The following GGCT variants were observed in gnomAD, a reference collection of about 807,000 sequenced individuals.
GGCT encodes the protein gamma-glutamylcyclotransferase.
GGCT carries 20 observed loss-of-function variants against 22.1 expected under a neutral mutation model. That is an observed-to-expected ratio of 0.91 (90% CI 0.64 to 1.32). GGCT has a LOEUF of 1.32. Among genes scored for constraint, GGCT ranks in the 40% most tolerant of loss-of-function variants. The pLI is 0.00. For synonymous variants in GGCT, 72 were observed against 78.4 expected, an observed-to-expected ratio of 0.92 and a Z score of 0.43; for missense variants, 209 against 223.5, an observed-to-expected ratio of 0.94 and a Z score of 0.41.
At chr7:30,497,930 AT>A in intron 3 of GGCT, 4 of 1,278,652 alleles carry the variant, frequency 3.1e-6, no homozygotes, top group Non-Finnish European at 4.1e-6. Context: ...AGTAGAAAGT[AT>A]GTTTTTTTCC....
intron 3 of GGCT, 150 bp downstream of exon 3, chr7:30,498,653 A>C (rs1351545650): frequency 1.5e-6 from 1 of 683,290 alleles, no homozygotes; most frequent in African/African-American, 1.8e-5. Context: ...TCCTAACTTC[A>C]GGTGATCTGC....
intron 1 of GGCT, among the ~76,000 whole-genome samples, chr7:30,502,677 A>G (rs1036057811): frequency 1.2e-4 from 18 of 152,162 alleles, no homozygotes; most frequent in Admixed American, 1.2e-3. Context: ...CAAAAACCTG[A>G]GTCATCTTTG....
chr7:30,498,136 A>T (rs1789602017), intron 3 of GGCT, among the ~76,000 whole-genome samples: 1 of 149,330 alleles, frequency 6.7e-6, no homozygotes, highest in Non-Finnish European at 1.5e-5. Context: ...TCCTACTTTA[A>T]TACATGTCTA....
In GGCT at chr7:30,504,619, T is replaced by A; in HGVS notation, c.91A>T (p.Ile31Phe). The change falls in exon 1 of 4, where the codon ATC becomes TTC. Residue 31 changes from isoleucine to phenylalanine, a missense_variant. Ile to Phe is a conservative substitution (Grantham distance 21). Coordinates refer to ENST00000275428, the MANE Select transcript of GGCT (RefSeq NM_024051.4). ...AYGSNLLTER[I>F]HLRNPSAAFF... ...GCCGCCGAGGGGTTTCGGAGGTGGA[T>A]CCTCTCTGTCAGCAGGTTGCTGCCG... is the stretch of plus-strand genomic sequence containing the variant. 1 of 1,614,086 alleles carries A rather than the reference T, an allele frequency of 6.2e-7. No individual in the cohort carries two copies. Among genetic ancestry groups the A allele is most frequent in the Non-Finnish European group, 8.5e-7 (1 of 1,179,966 alleles).
chr7:30,500,985 T>G (rs1434733452), intron 1 of GGCT, among the ~76,000 whole-genome samples: 1 of 152,286 alleles, frequency 6.6e-6, no homozygotes, highest in East Asian at 1.9e-4. Context: ...AACACAATTG[T>G]TTTCATTTTT....
chr7:30,504,534 G>A, intron 1 of GGCT, 35 bp downstream of exon 1: 1 of 1,610,652 alleles, frequency 6.2e-7, no homozygotes, highest in Non-Finnish European at 8.5e-7. Flanking sequence ...GGGCATCCCG[G>A]CCCCGGCGTG....
rs71532977 is a variant in GGCT at position 30,498,783 on chromosome 7, C to G, written c.423+20G>C. On this transcript the variant is annotated intron_variant, in intron 3 of 3. Transcript: ENST00000275428. ...AGTGAAATTTAAAAAGTAATCACCA[C>G]CAGTCTGTAAATAGCTTACCTTTTT... 0.057 allele frequency: 91,025 copies of G among 1,598,138 alleles called. 2,938 individuals carry two copies. Among genetic ancestry groups the G allele is most frequent in the Non-Finnish European group, 0.067 (77,932 of 1,167,338 alleles).
intron 1 of GGCT, among the ~76,000 whole-genome samples, chr7:30,502,208 G>C (rs545229486): frequency 6.6e-6 from 1 of 152,130 alleles, no homozygotes; most frequent in South Asian, 2.1e-4. Context: ...CTGTGGTGGC[G>C]GACATCACAA....
chr7:30,498,026 T>C (rs955173241), intron 3 of GGCT: 11 of 219,466 alleles, frequency 5.0e-5, no homozygotes, highest in African/African-American at 1.1e-4. Flanking sequence ...TATATATAGA[T>C]ACACACACAC....
At position 30,504,797 on chromosome 7, in the gene GGCT, G is replaced by C; in HGVS notation, c.-88C>G. On this transcript the variant is annotated 5_prime_UTR_variant, in exon 1 of 4. Transcript: ENST00000275428. ...CACTGGGGCCCACTACCCCGGCGCA[G>C]TGACCGCCGCGCGGCAGCCTCAGGG... 7.4e-7 allele frequency: 1 copy of C among 1,359,566 alleles called. No homozygotes were observed. Among genetic ancestry groups the C allele is most frequent in the East Asian group, 2.3e-5 (1 of 43,394 alleles). The allele number at this position is 1,359,566 out of a possible 1,614,324, so 84.2% of individuals were successfully genotyped here. A position where few individuals can be genotyped will look rare whatever the true frequency, so the allele number is the denominator to read the frequency against.
chr7:30,497,237 T>C lies in GGCT; in HGVS notation c.424-2A>G, dbSNP rs374586597. 46 of 1,598,130 alleles carry C rather than the reference T, an allele frequency of 2.9e-5. No individual in the cohort carries two copies. In the South Asian group the frequency reaches 4.8e-4, roughly 17 times the overall value. On this transcript the variant is annotated splice_acceptor_variant, in intron 3 of 3. Transcript: ENST00000275428. LOFTEE classifies it high-confidence loss of function. Reference sequence around the variant, plus strand: ...TTCTTTTGCACCCATGCAAATAATCTGGAAATGGTTAAAACAAACAGACAA... The same window carrying C: ...TTCTTTTGCACCCATGCAAATAATCCGGAAATGGTTAAAACAAACAGACAA...
chr7:30,504,756 C>T lies in GGCT; in HGVS notation c.-47G>A. 2.5e-6 allele frequency: 4 copies of T among 1,598,062 alleles called. No homozygotes were observed. The South Asian group carries it at 3.3e-5, about 13-fold the overall frequency. ...GGAGCCTGAAGCAGAGTGTAAGGAA[C>T]GGCCAGAGAGCGCAACACTGGGGCC... On this transcript the variant is annotated 5_prime_UTR_variant, in exon 1 of 4. Coordinates refer to ENST00000275428, the MANE Select transcript of GGCT (RefSeq NM_024051.4).
At position 30,504,620 on chromosome 7, in the gene GGCT, CCTCT is replaced by C. The variant is rs748515382; in HGVS notation, c.86_89del (p.Glu29GlyfsTer39). ...CCGCCGAGGGGTTTCGGAGGTGGAT[CCTCT>C]CTGTCAGCAGGTTGCTGCCGTAGGC... On this transcript the variant is annotated frameshift_variant, in exon 1 of 4. Transcript: ENST00000275428. LOFTEE classifies it high-confidence loss of function. The C allele has an allele frequency of 8.7e-6, 14 of 1,614,002 alleles. No homozygotes were observed. Among genetic ancestry groups the C allele is most frequent in the South Asian group, 6.6e-5 (6 of 91,096 alleles).
At chr7:30,504,546 G>T (rs1441696635) in intron 1 of GGCT, 23 bp downstream of exon 1, 1 of 1,612,378 alleles carries the variant, frequency 6.2e-7, no homozygotes. Flanking sequence ...CCCGGCGTGG[G>T]TAGCGCGGGA....
chr7:30,502,541 T>C (rs867519843), intron 1 of GGCT, among the ~76,000 whole-genome samples: 1 of 152,238 alleles, frequency 6.6e-6, no homozygotes, highest in Non-Finnish European at 1.5e-5. Flanking sequence ...GCTAATATTA[T>C]TCTGTTCACT....
At chr7:30,500,314 A>G (rs757149234) in intron 2 of GGCT, among the ~76,000 whole-genome samples, 7 of 152,254 alleles carry the variant, frequency 4.6e-5, no homozygotes, top group South Asian at 2.1e-4. Flanking sequence ...CATCTTTTAC[A>G]TAAGAGATTA....
rs889285878 is a variant in GGCT, at chr7:30,504,774, C to T, written c.-65G>A. 5 of 1,515,496 alleles carry T rather than the reference C, an allele frequency of 3.3e-6. No individual in the cohort carries two copies. The Admixed American group carries it at 8.5e-5, about 26-fold the overall frequency. 93.9% of individuals were successfully genotyped at this position (1,515,496 alleles called of 1,614,324 possible). A position where few individuals can be genotyped will look rare whatever the true frequency, so the allele number is the denominator to read the frequency against. On this transcript the variant is annotated 5_prime_UTR_variant, in exon 1 of 4. It adds an upstream start codon to the 5' untranslated region. Coordinates refer to ENST00000275428, the MANE Select transcript of GGCT (RefSeq NM_024051.4). ...TAAGGAACGGCCAGAGAGCGCAACA[C>T]TGGGGCCCACTACCCCGGCGCAGTG...
At chr7:30,498,306 A>ATATTATAT in intron 3 of GGCT, among the ~76,000 whole-genome samples, 1 of 152,116 alleles carries the variant, frequency 6.6e-6, no homozygotes, top group Admixed American at 6.5e-5. Flanking sequence ...TTCTATCATT[A>ATATTATAT]CACATAATAT....
At chr7:30,497,638 T>C (rs1378193433) in intron 3 of GGCT, 1 of 582,380 alleles carries the variant, frequency 1.7e-6, no homozygotes, top group Non-Finnish European at 2.6e-6. Flanking sequence ...CATGGGGGAA[T>C]AAATGGCAAC....
Sources: allele counts gnomAD v4.1 joint callset (sites outside exome capture counted in the v4.1 genomes callset), GRCh38; gene constraint gnomAD v4.1.1; transcripts MANE v1.5; gene names NCBI Gene and HGNC (gene_info 2026-07-23, HGNC 2026-07-21).